The following GABRG2 variants were observed in gnomAD, a reference collection of about 807,000 sequenced individuals.
The protein encoded by GABRG2 is gamma-aminobutyric acid receptor subunit gamma-2.
GABRG2 carries 16 observed loss-of-function variants against 56.4 expected under a neutral mutation model. That is an observed-to-expected ratio of 0.28 (90% CI 0.19 to 0.43). The LOEUF (loss-of-function observed/expected upper bound fraction) is 0.43, where lower values mean the gene tolerates loss of function less well. Among genes scored for constraint, GABRG2 ranks in the 20% least tolerant of loss-of-function variants. The probability of loss-of-function intolerance (pLI) is 1.00; values close to 1 mark genes in which losing one functional copy is unlikely to be tolerated. For missense variants in GABRG2, 327 were observed against 582.7 expected (o/e 0.56, Z 4.52); for synonymous variants, 208 against 205.5 (o/e 1.01, Z -0.10).
intron 6 of GABRG2, among the ~76,000 whole-genome samples, chr5:162,124,958 A>G (rs1027703581): frequency 2.1e-5 from 3 of 143,886 alleles, no homozygotes; most frequent in Admixed American, 1.4e-4. Flanking sequence ...GTATAAAGAG[A>G]TGTGTGTGTG....
At chr5:162,073,101 G>T (rs1041685093) in intron 1 of GABRG2, among the ~76,000 whole-genome samples, 3 of 151,732 alleles carry the variant, frequency 2.0e-5, no homozygotes, top group African/African-American at 7.2e-5. Flanking sequence ...ATCTACAACA[G>T]ATACTTTACA....
At chr5:162,117,220 CTT>C (rs1033220190) in intron 6 of GABRG2, among the ~76,000 whole-genome samples, 1 of 152,142 alleles carries the variant, frequency 6.6e-6, no homozygotes, top group African/African-American at 2.4e-5. Context: ...GCAAAATTTT[CTT>C]TGTTGTACTG....
At chr5:162,114,700 G>A (rs1199836928) in intron 6 of GABRG2, among the ~76,000 whole-genome samples, 2 of 152,086 alleles carry the variant, frequency 1.3e-5, no homozygotes, top group Non-Finnish European at 2.9e-5. Context: ...TGTCAATCTA[G>A]ATCTCACCTT....
chr5:162,090,313 C>G (rs909713653), intron 1 of GABRG2, among the ~76,000 whole-genome samples: 1 of 137,186 alleles, frequency 7.3e-6, no homozygotes, highest in African/African-American at 3.0e-5. Context: ...CATACACATA[C>G]ACATACACAT....
At chr5:162,108,349 G>T (rs1281259541) in intron 6 of GABRG2, among the ~76,000 whole-genome samples, 1 of 152,086 alleles carries the variant, frequency 6.6e-6, no homozygotes, top group Non-Finnish European at 1.5e-5. Flanking sequence ...GAACTTTCCA[G>T]TCTTGTTTTC....
At chr5:162,094,265 A>AC in intron 2 of GABRG2, 1 of 414,018 alleles carries the variant, frequency 2.4e-6, no homozygotes, top group Non-Finnish European at 4.4e-6. Context: ...AAAAACAATG[A>AC]CCCCTTTATG....
chr5:162,092,942 A>C (rs1760716095), intron 1 of GABRG2, among the ~76,000 whole-genome samples: 1 of 152,092 alleles, frequency 6.6e-6, no homozygotes. Context: ...AAATATCATC[A>C]TCTTGGCGGG....
chr5:162,084,987 C>T (rs1437574460), intron 1 of GABRG2, among the ~76,000 whole-genome samples: 4 of 151,782 alleles, frequency 2.6e-5, no homozygotes, highest in South Asian at 2.1e-4. Context: ...ATGAGACTAA[C>T]GTAATTATGA....
chr5:162,131,854 T>C (rs1763779524), intron 6 of GABRG2, among the ~76,000 whole-genome samples: 1 of 151,690 alleles, frequency 6.6e-6, no homozygotes, highest in South Asian at 2.1e-4. Context: ...GGATTTAGGG[T>C]CAAAATGTGG....
At chr5:162,098,135 C>T (rs186680513) in intron 4 of GABRG2, 3 of 457,950 alleles carry the variant, frequency 6.6e-6, no homozygotes, top group East Asian at 8.7e-5. Context: ...TTTCCTTTGT[C>T]TTGCAAGATC....
At chr5:162,146,086 T>C (rs1764929465) in intron 7 of GABRG2, among the ~76,000 whole-genome samples, 1 of 152,008 alleles carries the variant, frequency 6.6e-6, no homozygotes, top group African/African-American at 2.4e-5. Flanking sequence ...CCACCACCAC[T>C]CCCAGTTTGT....
intron 6 of GABRG2, among the ~76,000 whole-genome samples, chr5:162,115,073 A>G (rs1040178544): frequency 6.6e-5 from 10 of 152,182 alleles, no homozygotes; most frequent in Non-Finnish European, 1.2e-4. Context: ...TCTGCAATAA[A>G]ATCCTATTCT....
At chr5:162,067,479 C>T (rs959234903), upstream of GABRG2, 20 of 418,108 alleles carry the variant, frequency 4.8e-5, no homozygotes, top group Middle Eastern at 6.1e-4. Flanking sequence ...CCACTTTGAC[C>T]TCATAGTTAA....
At chr5:162,067,515 GTC>G (rs1758303238), upstream of GABRG2, 1 of 429,742 alleles carries the variant, frequency 2.3e-6, no homozygotes, top group South Asian at 8.2e-5. Context: ...ATCACGCAGA[GTC>G]TCTAGTGATT....
intron 6 of GABRG2, among the ~76,000 whole-genome samples, chr5:162,121,313 G>A (rs943175800): frequency 6.6e-6 from 1 of 152,048 alleles, no homozygotes; most frequent in Non-Finnish European, 1.5e-5. Context: ...CTAATTATTT[G>A]TAAATGCTTA....
chr5:162,095,396 T>C, intron 2 of GABRG2, 99 bp from the exon 3 acceptor site: 1 of 755,750 alleles, frequency 1.3e-6, no homozygotes. Context: ...ATAAATTACT[T>C]CTAATGTAGC....
chr5:162,082,348 G>A (rs770821546), intron 1 of GABRG2, among the ~76,000 whole-genome samples: 1 of 151,622 alleles, frequency 6.6e-6, no homozygotes, highest in Admixed American at 6.6e-5. Context: ...ATTAATTTAA[G>A]GCTTTTAGCC....
chr5:162,142,465 T>C (rs1764644990), intron 7 of GABRG2, 149 bp downstream of exon 7: 1 of 843,094 alleles, frequency 1.2e-6, no homozygotes, highest in Non-Finnish European at 1.9e-6. Context: ...AACTGGCATT[T>C]TTAATTCACA....
In GABRG2 at chr5:162,149,010, C is replaced by T. The variant is rs1010755279; in HGVS notation, c.923-98C>T. On this transcript the variant is annotated intron_variant, in intron 7 of 9. Coordinates refer to ENST00000639213, the MANE Select transcript of GABRG2 (RefSeq NM_198904.4). ...ACCTCCTTTCCCATTGCTGAAACTG[C>T]CCATCAGAAGTCATGAAACAATGTA... The T allele has an allele frequency of 7.6e-6, 8 of 1,055,692 alleles. No homozygotes were observed. In the African/African-American group the frequency reaches 9.4e-5, roughly 12 times the overall value. The allele number at this position is 1,055,692 out of a possible 1,614,324, so 65.4% of individuals were successfully genotyped here.
Sources: allele counts gnomAD v4.1 joint callset (sites outside exome capture counted in the v4.1 genomes callset), GRCh38; gene constraint gnomAD v4.1.1; transcripts MANE v1.5; gene names NCBI Gene and HGNC (gene_info 2026-07-23, HGNC 2026-07-21).